The following TTC13 variants were observed in gnomAD, a reference collection of about 807,000 sequenced individuals.
TTC13 encodes the protein tetratricopeptide repeat protein 13.
TTC13 carries 62 observed loss-of-function variants against 120.0 expected under a neutral mutation model. That is an observed-to-expected ratio of 0.52 (90% confidence interval 0.42 to 0.64). TTC13 has a LOEUF of 0.64. Ranked by LOEUF, TTC13 falls within the 30% of genes least tolerant of loss-of-function variation. TTC13 has a pLI of 0.00. For synonymous variants in TTC13, 384 were observed against 393.5 expected (o/e 0.98, Z 0.28); for missense variants, 824 against 1,050.2 (o/e 0.78, Z 2.98).
At chr1:230,961,332 C>T (rs1287094599) in intron 1 of TTC13, 29 bp from the exon 2 acceptor site, 2 of 1,514,730 alleles carry the variant, frequency 1.3e-6, no homozygotes, top group Non-Finnish European at 1.8e-6. Flanking sequence ...TTGTTATTCT[C>T]TACACCTTAA....
At chr1:230,933,333 C>T (rs941464800) in intron 9 of TTC13, among the ~76,000 whole-genome samples, 29 of 151,806 alleles carry the variant, frequency 1.9e-4, no homozygotes, top group African/African-American at 6.5e-4. Flanking sequence ...CAATGCATGG[C>T]GTCAGGAAGC....
intron 18 of TTC13, 72 bp from the exon 19 acceptor site, chr1:230,912,830 T>A (rs1054755695): frequency 1.2e-5 from 17 of 1,432,162 alleles, no homozygotes; most frequent in Middle Eastern, 4.9e-4. Flanking sequence ...AAGTTTTTTT[T>A]AAAAAGCAAA....
chr1:230,944,253 AC>A lies in TTC13; in HGVS notation c.580-356del, dbSNP rs1237822037. On this transcript the variant is annotated intron_variant, in intron 5 of 22. Transcript: ENST00000366661. The surrounding 1 kb of genome is among the most constrained non-coding windows in gnomAD (Gnocchi z 4.0). Reference sequence around the variant, plus strand: ...CATGAAATGAGGCTGACCTGTGGCAACAGGGGAACAGAAATGGGTCAAGACA... The same window carrying A: ...CATGAAATGAGGCTGACCTGTGGCAAAGGGGAACAGAAATGGGTCAAGACA... Among the ~76,000 whole-genome samples, 2 of 152,358 alleles carry A rather than the reference AC, an allele frequency of 1.3e-5. No individual in the cohort carries two copies. Among genetic ancestry groups the A allele is most frequent in the East Asian group, 3.9e-4 (2 of 5,190 alleles).
At chr1:230,972,877 G>A (rs1011599255) in intron 1 of TTC13, among the ~76,000 whole-genome samples, 2 of 152,224 alleles carry the variant, frequency 1.3e-5, no homozygotes, top group African/African-American at 4.8e-5. Context: ...AGGATTTGCT[G>A]AAAGATGCTG....
Position 230,940,476 on chromosome 1 carries a change from C to T in TTC13, c.753G>A (p.Leu251=). Residue 251 remains leucine, a synonymous_variant, in exon 7 of 23, where the codon CTG becomes CTA. Transcript: ENST00000366661. The surrounding 1 kb of genome is among the most constrained non-coding windows in gnomAD (Gnocchi z 4.1). ...AGTACAGGGTTCCCCGATGTCTGTACAGCCGTGCTGAGGGCTGCAGTTGGA... is the reference window on the plus strand; with the variant it reads ...AGTACAGGGTTCCCCGATGTCTGTATAGCCGTGCTGAGGGCTGCAGTTGGA... ...KAIQLQPSAR[L]YRHRGTLYFI... is the part of the protein sequence containing the mutation. The T allele has an allele frequency of 6.2e-7, 1 of 1,613,726 alleles. No individual in the cohort carries two copies. The highest frequency in any genetic ancestry group is 1.1e-5 in the South Asian group (1 of 91,074).
At position 230,966,544 on chromosome 1, in the gene TTC13, A is replaced by G. The variant is rs549327216; in HGVS notation, c.272-5241T>C. Among the ~76,000 whole-genome samples, 5 of 152,336 alleles carry G rather than the reference A, an allele frequency of 3.3e-5. No homozygotes were observed. In the East Asian group the frequency reaches 9.6e-4, roughly 29 times the overall value. ...AATACATATTTGTTGAGCATCTACT[A>G]TGTTCCCATCACTGTGTTAGCCTCT... On this transcript the variant is annotated intron_variant, in intron 1 of 22. Transcript: ENST00000366661.
At chr1:230,943,943 A>G in intron 5 of TTC13, 45 bp from the exon 6 acceptor site, 3 of 1,443,316 alleles carry the variant, frequency 2.1e-6, no homozygotes, top group African/African-American at 1.4e-5. Flanking sequence ...GTTACTCAAA[A>G]CCAGGCTGAA....
Position 230,931,977 on chromosome 1 carries a change from C to G in TTC13, c.984-100G>C, listed in dbSNP as rs1673604454. 8 of 1,163,730 alleles carry G rather than the reference C, an allele frequency of 6.9e-6. No individual in the cohort carries two copies. In the South Asian group the frequency reaches 1.2e-4, roughly 17 times the overall value. 72.1% of individuals were successfully genotyped at this position (1,163,730 alleles called of 1,614,324 possible). On this transcript the variant is annotated intron_variant, in intron 9 of 22. Transcript: ENST00000366661. ...TATGGACCAATATGTAAACAAGATA[C>G]CTTGATGGGAGTGTTCCCTTTGTTG...
At chr1:230,951,433 C>A (rs983893178) in intron 4 of TTC13, among the ~76,000 whole-genome samples, 2 of 151,350 alleles carry the variant, frequency 1.3e-5, no homozygotes, top group African/African-American at 2.4e-5. Flanking sequence ...AAATTCTGTA[C>A]ATGAATAGCT....
intron 12 of TTC13, 105 bp downstream of exon 12, chr1:230,928,832 T>TCTC (rs5781609): frequency 0.68 from 812,385 of 1,199,576 alleles, 278,485 homozygotes; most frequent in Admixed American, 0.75. Context: ...CCCAGGCAAT[T>TCTC]CTACCTCACC....
chr1:230,961,149 T>C (rs1261829854), intron 2 of TTC13, 60 bp downstream of exon 2: 5 of 1,380,348 alleles, frequency 3.6e-6, no homozygotes, highest in Non-Finnish European at 5.1e-6. Flanking sequence ...TTCCACTTTT[T>C]GGAACTAGTA....
chr1:230,934,127 T>C (rs1673820696), intron 8 of TTC13, among the ~76,000 whole-genome samples: 1 of 152,192 alleles, frequency 6.6e-6, no homozygotes, highest in Non-Finnish European at 1.5e-5. Flanking sequence ...ATCTACTTCA[T>C]TACTAGCTAC....
intron 13 of TTC13, among the ~76,000 whole-genome samples, chr1:230,925,190 A>T (rs1294470492): frequency 2.0e-5 from 3 of 152,130 alleles, no homozygotes; most frequent in African/African-American, 7.2e-5. Flanking sequence ...TCTGCTCCCA[A>T]CTCTGCCTCC....
chr1:230,908,434 T>G, intron 22 of TTC13: 1 of 503,858 alleles, frequency 2.0e-6, no homozygotes, highest in Admixed American at 2.4e-5. Context: ...AAATGATCCT[T>G]CCACCTCAGC....
intron 11 of TTC13, among the ~76,000 whole-genome samples, chr1:230,930,645 C>T (rs1451499073): frequency 2.0e-5 from 3 of 152,134 alleles, no homozygotes; most frequent in Non-Finnish European, 4.4e-5. Context: ...ACCAGCTGGG[C>T]GTGGTGGCTC....
chr1:230,938,585 GTCAA>G (rs1371393652), intron 8 of TTC13, among the ~76,000 whole-genome samples: 1 of 152,148 alleles, frequency 6.6e-6, no homozygotes, highest in African/African-American at 2.4e-5. Flanking sequence ...TACTAATACA[GTCAA>G]TCAAAGAAGG....
chr1:230,941,332 G>A (rs1222805953), intron 6 of TTC13, among the ~76,000 whole-genome samples: 1 of 152,146 alleles, frequency 6.6e-6, no homozygotes, highest in Non-Finnish European at 1.5e-5. Context: ...GTCTCACTCT[G>A]TCACCCAAGC....
intron 3 of TTC13, among the ~76,000 whole-genome samples, chr1:230,955,835 C>T (rs1487611530): frequency 1.3e-5 from 2 of 152,118 alleles, no homozygotes; most frequent in Non-Finnish European, 2.9e-5. Context: ...AGCCCTTTTG[C>T]CCTACTTTCT....
At position 230,923,949 on chromosome 1, in the gene TTC13, C is replaced by A; in HGVS notation, c.1722-16G>T. 1.3e-6 allele frequency: 2 copies of A among 1,597,386 alleles called. No individual in the cohort carries two copies. The highest frequency in any genetic ancestry group is 1.7e-6 in the Non-Finnish European group (2 of 1,167,604). On this transcript the variant is annotated splice_polypyrimidine_tract_variant and intron_variant, in intron 14 of 22. Coordinates refer to ENST00000366661, the MANE Select transcript of TTC13 (RefSeq NM_024525.5). ...GTCAGCAATCCTATAAAACAGAGAC[C>A]TTTATAAAACCAGAAGTGTTCAGAA...
Sources: allele counts gnomAD v4.1 joint callset (sites outside exome capture counted in the v4.1 genomes callset), GRCh38; gene constraint gnomAD v4.1.1; non-coding constraint Gnocchi (gnomAD v3.1); transcripts MANE v1.5; gene names NCBI Gene and HGNC (gene_info 2026-07-23, HGNC 2026-07-21).